The following RPS6KA2 variants were observed in gnomAD, a reference collection of about 807,000 sequenced individuals.
The protein encoded by RPS6KA2 is ribosomal protein S6 kinase alpha-2.
In RPS6KA2, 42 loss-of-function variants were observed where a neutral mutation model predicts 91.8. The observed-to-expected ratio is 0.46, with a 90% CI of 0.36 to 0.59. The LOEUF (loss-of-function observed/expected upper bound fraction) is 0.59, where lower values mean the gene tolerates loss of function less well. Among genes scored for constraint, RPS6KA2 ranks in the 20% least tolerant of loss-of-function variants. The pLI, the probability that RPS6KA2 is intolerant of heterozygous loss-of-function variation, is 0.00. For missense variants in RPS6KA2, 798 were observed against 978.5 expected (o/e 0.82, Z 2.46); for synonymous variants, 414 against 393.6 (o/e 1.05, Z -0.61).
At chr6:166,507,824 A>G (rs1221049307) in intron 5 of RPS6KA2, among the ~76,000 whole-genome samples, 1 of 148,796 alleles carries the variant, frequency 6.7e-6, no homozygotes, top group Non-Finnish European at 1.5e-5. Context: ...CACACCCCAC[A>G]TGCACACACA....
At chr6:166,661,308 C>T (rs958221551) in intron 2 of RPS6KA2, among the ~76,000 whole-genome samples, 8 of 152,184 alleles carry the variant, frequency 5.3e-5, no homozygotes, top group African/African-American at 1.9e-4. Context: ...CCACGTTGGC[C>T]AGGCTGGTCT....
chr6:166,512,323 G>A (rs551665286), intron 3 of RPS6KA2, among the ~76,000 whole-genome samples: 2 of 152,292 alleles, frequency 1.3e-5, no homozygotes, highest in Admixed American at 1.3e-4. Context: ...GGAAGGGGGA[G>A]AATGGGAAGT....
At chr6:166,756,698 T>A (rs1174757718) in intron 2 of RPS6KA2, among the ~76,000 whole-genome samples, 3 of 152,054 alleles carry the variant, frequency 2.0e-5, no homozygotes, top group Non-Finnish European at 4.4e-5. Flanking sequence ...AATACAAAAT[T>A]AGCCAGGCAT....
chr6:166,414,456 T>C (rs1778430321), intron 19 of RPS6KA2, among the ~76,000 whole-genome samples: 1 of 152,248 alleles, frequency 6.6e-6, no homozygotes, highest in South Asian at 2.1e-4. Context: ...TGTAAAGTCG[T>C]AGCAGTAAAA....
In RPS6KA2 at chr6:166,663,620, A is replaced by G. The variant is rs531575021; in HGVS notation, c.124-124836T>C. ...CAACAGCGTGGCTTCCTGTCGAATA[A>G]CTATTCCTACCATCCCTCTAAGAAC... On this transcript the variant is annotated intron_variant, in intron 2 of 21. Coordinates refer to the RPS6KA2 transcript ENST00000503859. 3.9e-5 allele frequency among the ~76,000 whole-genome samples: 6 copies of G among 152,330 alleles called. No individual in the cohort carries two copies. The South Asian group carries it at 1.2e-3, about 32-fold the overall frequency.
rs1783360771 is a variant in RPS6KA2, at chr6:166,533,360, T to C, written c.217-2047A>G. ...AGGCGCAGCCCAGGAGTCCAGGAGCTGGGCAAGGCTGCGTGAGCGTCCCGG... is the reference window on the plus strand; with the variant it reads ...AGGCGCAGCCCAGGAGTCCAGGAGCCGGGCAAGGCTGCGTGAGCGTCCCGG... On this transcript the variant is annotated intron_variant, in intron 2 of 20. Coordinates refer to ENST00000265678, the MANE Select transcript of RPS6KA2 (RefSeq NM_021135.6). This position sits in a 1 kb window ranked among gnomAD's most constrained non-coding sequence, Gnocchi z 4.0. Among the ~76,000 whole-genome samples, 1 of 152,200 alleles carries C rather than the reference T, an allele frequency of 6.6e-6. No homozygotes were observed. The highest frequency in any genetic ancestry group is 2.4e-5 in the African/African-American group (1 of 41,446).
At chr6:166,542,096 A>G (rs2344712) in intron 1 of RPS6KA2, among the ~76,000 whole-genome samples, 121,219 of 152,106 alleles carry the variant, frequency 0.8, 48,797 homozygotes, top group East Asian at 0.98. Context: ...AAAACAAAAC[A>G]AACAAAGATC....
intron 1 of RPS6KA2, among the ~76,000 whole-genome samples, chr6:166,560,648 G>A (rs1008896465): frequency 2.6e-5 from 4 of 152,108 alleles, no homozygotes; most frequent in Non-Finnish European, 4.4e-5. Flanking sequence ...TGGGGTGGTC[G>A]CGAAACTCCA....
chr6:166,530,604 G>A (rs1446935628), intron 3 of RPS6KA2, among the ~76,000 whole-genome samples: 1 of 152,186 alleles, frequency 6.6e-6, no homozygotes, highest in Non-Finnish European at 1.5e-5. Flanking sequence ...TAGGGCAGGG[G>A]GAAGTTCCCT....
intron 3 of RPS6KA2, among the ~76,000 whole-genome samples, chr6:166,527,068 G>A (rs926689999): frequency 2.6e-5 from 4 of 152,210 alleles, no homozygotes; most frequent in African/African-American, 7.2e-5. Flanking sequence ...TGAAGTCATC[G>A]AGATGGAGCG....
intron 1 of RPS6KA2, among the ~76,000 whole-genome samples, chr6:166,578,249 G>A (rs1027190222): frequency 8.5e-5 from 13 of 152,176 alleles, no homozygotes; most frequent in South Asian, 4.1e-4. Context: ...GCCACGTGCC[G>A]TAGACTCCTC....
intron 2 of RPS6KA2, among the ~76,000 whole-genome samples, chr6:166,813,476 G>A (rs1389490786): frequency 2.0e-5 from 3 of 152,150 alleles, no homozygotes; most frequent in Non-Finnish European, 4.4e-5. Flanking sequence ...AGTTTCCAAG[G>A]GCTGCCCTAA....
intron 2 of RPS6KA2, among the ~76,000 whole-genome samples, chr6:166,851,241 C>T (rs939879299): frequency 1.3e-5 from 2 of 152,194 alleles, no homozygotes; most frequent in African/African-American, 4.8e-5. Flanking sequence ...GCCACGCCAC[C>T]AGTCCTCAGG....
rs79706510 is a variant in RPS6KA2, at chr6:166,852,622, C to T, written c.123+5578G>A. Among the ~76,000 whole-genome samples the T allele has an allele frequency of 0.048, 7,241 of 152,122 alleles. 228 individuals are homozygous for T. Among genetic ancestry groups the T allele is most frequent in the East Asian group, 0.096 (492 of 5,134 alleles). On this transcript the variant is annotated intron_variant, in intron 2 of 21. Transcript: ENST00000503859. The surrounding 1 kb of genome is among the most constrained non-coding windows in gnomAD (Gnocchi z 4.1). Reference sequence around the variant, plus strand: ...TGTTGCCACGAGTCTCTTCCTGACCCTTTTCCTCACCAGGGGACTCGTCGA... The same window carrying T: ...TGTTGCCACGAGTCTCTTCCTGACCTTTTTCCTCACCAGGGGACTCGTCGA...
chr6:166,579,029 T>C (rs1412793619), intron 1 of RPS6KA2, among the ~76,000 whole-genome samples: 1 of 152,170 alleles, frequency 6.6e-6, no homozygotes, highest in Non-Finnish European at 1.5e-5. Context: ...AAACAGTAAG[T>C]CTGATGTCGA....
intron 2 of RPS6KA2, among the ~76,000 whole-genome samples, chr6:166,780,374 G>A (rs139675437): frequency 2.6e-4 from 39 of 152,334 alleles, no homozygotes; most frequent in Non-Finnish European, 5.3e-4. Flanking sequence ...AGAGAGATGG[G>A]GGAAGGACCA....
chr6:166,482,511 A>G (rs1416373155), intron 10 of RPS6KA2, among the ~76,000 whole-genome samples: 1 of 152,236 alleles, frequency 6.6e-6, no homozygotes, highest in Non-Finnish European at 1.5e-5. Context: ...GAGGAAAGAA[A>G]TAGTTTTCTA....
At chr6:166,706,143 T>C (rs1234859535) in intron 2 of RPS6KA2, among the ~76,000 whole-genome samples, 1 of 152,238 alleles carries the variant, frequency 6.6e-6, no homozygotes, top group Non-Finnish European at 1.5e-5. Context: ...GTTTATCGTT[T>C]TTCATTACAG....
At chr6:166,739,761 T>C (rs557212951) in intron 2 of RPS6KA2, among the ~76,000 whole-genome samples, 32 of 152,324 alleles carry the variant, frequency 2.1e-4, no homozygotes, top group Middle Eastern at 6.8e-3. Flanking sequence ...CCACTGGATC[T>C]TCCAAAGTTC....
Sources: allele counts gnomAD v4.1 joint callset (sites outside exome capture counted in the v4.1 genomes callset), GRCh38; gene constraint gnomAD v4.1.1; non-coding constraint Gnocchi (gnomAD v3.1); transcripts MANE v1.5; gene names NCBI Gene and HGNC (gene_info 2026-07-23, HGNC 2026-07-21).